Variants in NOS1AP observed in about 807,000 individuals in gnomAD.
NOS1AP encodes the protein carboxyl-terminal PDZ ligand of neuronal nitric oxide synthase protein.
A neutral mutation model predicts 56.2 loss-of-function variants in NOS1AP; 21 were observed. That is an observed-to-expected ratio of 0.37 (90% CI 0.26 to 0.54). The LOEUF is 0.54. Ranked by LOEUF, NOS1AP falls within the 20% of genes least tolerant of loss-of-function variation. NOS1AP has a pLI of 0.84. For missense variants in NOS1AP, 522 were observed against 657.8 expected, an observed-to-expected ratio of 0.79 and a Z score of 2.26; for synonymous variants, 270 against 274.6, an observed-to-expected ratio of 0.98 and a Z score of 0.17.
chr1:162,310,977 T>TC (rs1216474585), intron 4 of NOS1AP, among the ~76,000 whole-genome samples: 3 of 152,282 alleles, frequency 2.0e-5, no homozygotes, highest in East Asian at 3.9e-4. Flanking sequence ...TCTTCCTGGA[T>TC]ACCCTCTTTC....
chr1:162,119,924 G>A (rs1648134028), intron 1 of NOS1AP, among the ~76,000 whole-genome samples: 1 of 152,190 alleles, frequency 6.6e-6, no homozygotes, highest in Admixed American at 6.5e-5. Flanking sequence ...GGAGGCAGCA[G>A]AGATGGTAAC....
chr1:162,107,270 T>C (rs10918684), intron 1 of NOS1AP, among the ~76,000 whole-genome samples: 77,119 of 152,056 alleles, frequency 0.51, 21,739 homozygotes, highest in Non-Finnish European at 0.64. Flanking sequence ...GGGAAAGGAA[T>C]AAAACCTAAC....
chr1:162,365,670 T>C, intron 9 of NOS1AP, 101 bp downstream of exon 9: 3 of 1,398,130 alleles, frequency 2.1e-6, no homozygotes, highest in Non-Finnish European at 3.0e-6. Flanking sequence ...ACCCCTGACC[T>C]ACCCCTATAT....
intron 1 of NOS1AP, among the ~76,000 whole-genome samples, chr1:162,123,516 C>T (rs1176174161): frequency 2.0e-5 from 3 of 152,180 alleles, no homozygotes; most frequent in African/African-American, 7.2e-5. Flanking sequence ...TATATGTAAA[C>T]AAACTTTAAA....
intron 1 of NOS1AP, among the ~76,000 whole-genome samples, chr1:162,120,636 A>C (rs1045910095): frequency 3.9e-5 from 6 of 152,204 alleles, no homozygotes; most frequent in African/African-American, 1.4e-4. Context: ...TTATAAAAGC[A>C]TCAGATCTCG....
chr1:162,323,725 G>C (rs1284483745), intron 4 of NOS1AP, among the ~76,000 whole-genome samples: 4 of 152,208 alleles, frequency 2.6e-5, no homozygotes, highest in Non-Finnish European at 4.4e-5. Flanking sequence ...TAACAGTCCT[G>C]TGAACCTCTT....
intron 1 of NOS1AP, among the ~76,000 whole-genome samples, chr1:162,101,528 T>G (rs1450931455): frequency 2.6e-5 from 4 of 152,176 alleles, no homozygotes; most frequent in Non-Finnish European, 4.4e-5. Flanking sequence ...TTGGGCAGTA[T>G]GTACTTTGGG....
At chr1:162,276,062 A>G (rs1464331133) in intron 2 of NOS1AP, among the ~76,000 whole-genome samples, 2 of 152,206 alleles carry the variant, frequency 1.3e-5, no homozygotes, top group Non-Finnish European at 1.5e-5. Context: ...AGAGTTGCAT[A>G]GTTGCAACAA....
Position 162,131,734 on chromosome 1 carries a change from A to AT in NOS1AP, c.106-22661dup, listed in dbSNP as rs942019218. Among the ~76,000 whole-genome samples the AT allele has an allele frequency of 9.0e-4, 134 of 149,152 alleles. 2 individuals carry two copies. Among genetic ancestry groups the AT allele is most frequent in the East Asian group, 5.9e-4 (3 of 5,068 alleles). On this transcript the variant is annotated intron_variant, in intron 1 of 9. Coordinates refer to ENST00000361897, the MANE Select transcript of NOS1AP (RefSeq NM_014697.3). ...GTGAGCTCCAGTGTTATAAGGCGGC[A>AT]TTTTTTTTTTCTTTTTGGTTGGGAG...
chr1:162,172,685 A>C (rs1650853189), intron 2 of NOS1AP, among the ~76,000 whole-genome samples: 1 of 152,170 alleles, frequency 6.6e-6, no homozygotes, highest in Admixed American at 6.5e-5. Flanking sequence ...CCCTTCTGTC[A>C]GGTGAGGAAA....
At chr1:162,074,574 C>G (rs1387285523) in intron 1 of NOS1AP, among the ~76,000 whole-genome samples, 1 of 152,184 alleles carries the variant, frequency 6.6e-6, no homozygotes, top group East Asian at 1.9e-4. Flanking sequence ...GGACTTATCC[C>G]TGGTTCCCTG....
At chr1:162,146,414 GGGTTTACACA>G (rs1486365004) in intron 1 of NOS1AP, among the ~76,000 whole-genome samples, 1 of 152,056 alleles carries the variant, frequency 6.6e-6, no homozygotes, top group Non-Finnish European at 1.5e-5. Flanking sequence ...GACCTGGCTG[GGGTTTACACA>G]TGATTTTGGA....
intron 3 of NOS1AP, among the ~76,000 whole-genome samples, chr1:162,287,949 C>A (rs1054337866): frequency 2.0e-5 from 3 of 152,172 alleles, no homozygotes; most frequent in Non-Finnish European, 4.4e-5. Flanking sequence ...CCAGCCACTG[C>A]TGCTGCTCCG....
chr1:162,113,917 TAAAA>T (rs1038350315), intron 1 of NOS1AP, among the ~76,000 whole-genome samples: 2 of 145,576 alleles, frequency 1.4e-5, no homozygotes, highest in South Asian at 4.4e-4. Context: ...GTAAGAGAAT[TAAAA>T]AAAAAAACAA....
chr1:162,217,524 C>T (rs1652622077), intron 2 of NOS1AP, among the ~76,000 whole-genome samples: 1 of 151,986 alleles, frequency 6.6e-6, no homozygotes. Context: ...CTTGGCCTCC[C>T]AAAGTGCTGG....
chr1:162,241,164 A>C (rs4557949), intron 2 of NOS1AP, among the ~76,000 whole-genome samples: 3 of 151,976 alleles, frequency 2.0e-5, no homozygotes, highest in Non-Finnish European at 4.4e-5. Flanking sequence ...GGAAGGAAAC[A>C]TTTCAATTGA....
In NOS1AP at chr1:162,332,884, A is replaced by C. The variant is rs1007421539; in HGVS notation, c.345-133A>C. 3 of 716,504 alleles carry C rather than the reference A, an allele frequency of 4.2e-6. No homozygotes were observed. In the African/African-American group the frequency reaches 5.3e-5, roughly 13 times the overall value. The allele number at this position is 716,504 out of a possible 1,614,324, so 44.4% of individuals were successfully genotyped here. On this transcript the variant is annotated intron_variant, in intron 4 of 9. Coordinates refer to ENST00000361897, the MANE Select transcript of NOS1AP (RefSeq NM_014697.3). Reference sequence around the variant, plus strand: ...CCTGCATTGTGACTTTTTGATCCTGAAGGAAGAAGACTTTCTGTAATAACT... The same window carrying C: ...CCTGCATTGTGACTTTTTGATCCTGCAGGAAGAAGACTTTCTGTAATAACT...
At chr1:162,309,024 C>T (rs1355032943) in intron 4 of NOS1AP, among the ~76,000 whole-genome samples, 2 of 152,162 alleles carry the variant, frequency 1.3e-5, no homozygotes, top group Admixed American at 6.5e-5. Flanking sequence ...GTGCTATCCA[C>T]CTTTAAAGGT....
At chr1:162,106,981 T>C (rs945707) in intron 1 of NOS1AP, among the ~76,000 whole-genome samples, 150,978 of 152,308 alleles carry the variant, frequency 0.99, 74,847 homozygotes, top group East Asian at 1. Context: ...GCACACTATT[T>C]GTAGTAGCAA....
Sources: gnomAD v4.1 joint callset for allele counts (sites outside exome capture counted in the v4.1 genomes callset) on GRCh38, gnomAD v4.1.1 for gene constraint, MANE v1.5 for transcripts, NCBI Gene and HGNC (gene_info 2026-07-23, HGNC 2026-07-21) for gene names.